Variants in DLG2 observed in about 807,000 individuals in gnomAD.
DLG2 encodes disks large homolog 2.
Under a neutral mutation model 132.5 loss-of-function variants are expected in DLG2, and 45 were observed. The ratio of observed to expected loss-of-function variants is 0.34; its 90% CI spans 0.27 to 0.44. The LOEUF is 0.44. Among genes scored for constraint, DLG2 ranks in the 20% least tolerant of loss-of-function variants. The probability of loss-of-function intolerance (pLI) is 1.00; values close to 1 mark genes in which losing one functional copy is unlikely to be tolerated. For synonymous variants in DLG2, 424 were observed against 419.6 expected (o/e 1.01, Z -0.13); for missense variants, 1,045 against 1,196.9 (o/e 0.87, Z 1.87).
At chr11:84,206,253 T>C (rs2096663922) in intron 8 of DLG2, among the ~76,000 whole-genome samples, 1 of 152,056 alleles carries the variant, frequency 6.6e-6, no homozygotes, top group Non-Finnish European at 1.5e-5. Flanking sequence ...GAATGTGAAG[T>C]TTAAAAACTC....
intron 18 of DLG2, among the ~76,000 whole-genome samples, chr11:83,692,620 A>T (rs2081181137): frequency 6.6e-6 from 1 of 152,220 alleles, no homozygotes; most frequent in Non-Finnish European, 1.5e-5. Flanking sequence ...TATTTTAAAC[A>T]AGTGAATAAT....
chr11:84,742,336 A>C (rs1044659132), intron 6 of DLG2, among the ~76,000 whole-genome samples: 5 of 152,294 alleles, frequency 3.3e-5, no homozygotes, highest in Middle Eastern at 3.4e-3. Flanking sequence ...TGTTCTCTCT[A>C]AGTCACATTG....
At position 85,058,508 on chromosome 11, in the gene DLG2, A is replaced by C. The variant is rs534093553; in HGVS notation, c.357+53153T>G. ...TCAATGAATTCACAACCAAAATCGC[A>C]TAAAGGACATCTGTGGAAATTGACA... On this transcript the variant is annotated intron_variant, in intron 6 of 27. Coordinates refer to ENST00000376104, the MANE Select transcript of DLG2 (RefSeq NM_001142699.3). Among the ~76,000 whole-genome samples the C allele has an allele frequency of 2.0e-3, 296 of 151,530 alleles. 2 individuals are homozygous for C. The highest frequency in any genetic ancestry group is 3.3e-3 in the Non-Finnish European group (220 of 67,546).
intron 6 of DLG2, among the ~76,000 whole-genome samples, chr11:84,635,088 A>G (rs537677867): frequency 1.3e-5 from 2 of 152,346 alleles, no homozygotes; most frequent in South Asian, 2.1e-4. Flanking sequence ...TTTCCTCAAG[A>G]AGTTCTTCAG....
At chr11:84,819,767 A>C (rs948015801) in intron 6 of DLG2, among the ~76,000 whole-genome samples, 1 of 151,884 alleles carries the variant, frequency 6.6e-6, no homozygotes, top group African/African-American at 2.4e-5. Context: ...ATGGCTTTGA[A>C]GCTCAGGAAT....
At chr11:84,130,488 A>G (rs900446724) in intron 9 of DLG2, among the ~76,000 whole-genome samples, 5 of 132,866 alleles carry the variant, frequency 3.8e-5, no homozygotes, top group African/African-American at 1.6e-4. Context: ...GTACAAGTGG[A>G]AAAGTATATA....
At chr11:84,009,715 A>G (rs906689403) in intron 11 of DLG2, among the ~76,000 whole-genome samples, 3 of 152,074 alleles carry the variant, frequency 2.0e-5, no homozygotes, top group Non-Finnish European at 4.4e-5. Context: ...ATTGAATGAG[A>G]TAACAATATT....
intron 11 of DLG2, among the ~76,000 whole-genome samples, chr11:84,053,304 A>G (rs1380685434): frequency 1.3e-5 from 2 of 151,908 alleles, no homozygotes; most frequent in Admixed American, 6.6e-5. Context: ...GGTACTAGGA[A>G]GAATAGCTGT....
chr11:84,404,261 T>G (rs2098840817), intron 7 of DLG2, among the ~76,000 whole-genome samples: 2 of 152,186 alleles, frequency 1.3e-5, no homozygotes, highest in Admixed American at 1.3e-4. Flanking sequence ...TGTCCTTTTT[T>G]GTCTTAGGGC....
At chr11:83,833,890 CTAAGA>C in intron 16 of DLG2, 120 bp from the exon 17 acceptor site, 2 of 1,068,750 alleles carry the variant, frequency 1.9e-6, no homozygotes, top group Non-Finnish European at 2.6e-6. Flanking sequence ...GTTTCTCAAA[CTAAGA>C]TAACATTTGC....
At chr11:85,493,338 GCT>G (rs2093604062) in intron 3 of DLG2, among the ~76,000 whole-genome samples, 1 of 152,106 alleles carries the variant, frequency 6.6e-6, no homozygotes, top group East Asian at 1.9e-4. Flanking sequence ...TGCAATTGCT[GCT>G]CTCTCTGCTT....
intron 9 of DLG2, among the ~76,000 whole-genome samples, chr11:84,152,511 C>A (rs553670442): frequency 6.6e-6 from 1 of 151,692 alleles, no homozygotes; most frequent in Non-Finnish European, 1.5e-5. Flanking sequence ...CTCAGCCTCC[C>A]GAGTAGCTGG....
At chr11:84,732,661 T>C (rs941173184) in intron 6 of DLG2, among the ~76,000 whole-genome samples, 2 of 151,952 alleles carry the variant, frequency 1.3e-5, no homozygotes, top group African/African-American at 2.4e-5. Context: ...ATATTTATTA[T>C]ACTTTTAAGT....
At chr11:85,167,591 A>T (rs1399494611) in intron 4 of DLG2, among the ~76,000 whole-genome samples, 1 of 152,142 alleles carries the variant, frequency 6.6e-6, no homozygotes, top group Non-Finnish European at 1.5e-5. Context: ...AAGAACCTGA[A>T]CAAACAGGCC....
intron 7 of DLG2, among the ~76,000 whole-genome samples, chr11:84,522,181 C>CA (rs1257824594): frequency 0.032 from 2,948 of 92,974 alleles, 65 homozygotes; most frequent in African/African-American, 0.089. Flanking sequence ...AACGAACAAA[C>CA]AAAAAAAAAA....
rs781089383 is a variant in DLG2, at chr11:83,541,876, A to T, written c.1941-18T>A. The T allele has an allele frequency of 6.3e-7, 1 of 1,580,492 alleles. No homozygotes were observed. The highest frequency in any genetic ancestry group is 8.6e-7 in the Non-Finnish European group (1 of 1,162,204). ...ACATGGCTCTGGAGGAAAGGACAAA[A>T]GAGGACATTGTTAGGAATCTCTGGC... On this transcript the variant is annotated intron_variant, in intron 19 of 27. Coordinates refer to ENST00000376104, the MANE Select transcript of DLG2 (RefSeq NM_001142699.3).
intron 21 of DLG2, among the ~76,000 whole-genome samples, chr11:83,531,406 T>C (rs2095740975): frequency 6.6e-6 from 1 of 152,020 alleles, no homozygotes; most frequent in Non-Finnish European, 1.5e-5. Flanking sequence ...CATGAAAATA[T>C]GCTCAATATC....
intron 12 of DLG2, among the ~76,000 whole-genome samples, chr11:83,980,070 T>C (rs2092647171): frequency 6.6e-6 from 1 of 152,192 alleles, no homozygotes; most frequent in South Asian, 2.1e-4. Context: ...TGTGGACCCC[T>C]CACAAAATCA....
At chr11:83,750,088 G>T (rs2093204868) in intron 18 of DLG2, among the ~76,000 whole-genome samples, 1 of 151,980 alleles carries the variant, frequency 6.6e-6, no homozygotes, top group Non-Finnish European at 1.5e-5. Flanking sequence ...GACTAAAAGG[G>T]GTCACAAGAA....
Sources: allele counts gnomAD v4.1 joint callset (sites outside exome capture counted in the v4.1 genomes callset), GRCh38; gene constraint gnomAD v4.1.1; transcripts MANE v1.5; gene names NCBI Gene and HGNC (gene_info 2026-07-23, HGNC 2026-07-21).